The following NAALADL1 variants were observed in gnomAD, a reference collection of about 807,000 sequenced individuals.
NAALADL1 encodes the protein N-acetylated alpha-linked acidic dipeptidase like 1.
In NAALADL1, 77 loss-of-function variants were observed where a neutral mutation model predicts 82.8. The observed-to-expected ratio is 0.93, with a 90% CI of 0.77 to 1.12. The LOEUF (loss-of-function observed/expected upper bound fraction) is 1.12, where lower values mean the gene tolerates loss of function less well. Among genes scored for constraint, NAALADL1 ranks in the 50% most tolerant of loss-of-function variants. NAALADL1 has a pLI of 0.00. For missense variants in NAALADL1, 956 were observed against 964.0 expected, an observed-to-expected ratio of 0.99 and a Z score of 0.11; for synonymous variants, 358 against 399.2, an observed-to-expected ratio of 0.90 and a Z score of 1.23.
In NAALADL1 at chr11:65,054,238, G is replaced by C. The variant is rs768829325; in HGVS notation, c.992+12C>G. The C allele has an allele frequency of 7.4e-6, 12 of 1,610,772 alleles. No homozygotes were observed. The highest frequency in any genetic ancestry group is 1.3e-5 in the African/African-American group (1 of 74,978). ...GGGCAACTGAGGGAGACCTGGTCTG[G>C]CTGCATCTCACCTGTCTGCTGGGAA... On this transcript the variant is annotated intron_variant, in intron 6 of 17. Transcript: ENST00000358658. This position sits in a 1 kb window ranked among gnomAD's most constrained non-coding sequence, Gnocchi z 4.3.
At position 65,044,858 on chromosome 11, in the gene NAALADL1, G is replaced by C; in HGVS notation, c.*413C>G. On this transcript the variant is annotated 3_prime_UTR_variant, in exon 18 of 18. Transcript: ENST00000358658. The surrounding 1 kb of genome is among the most constrained non-coding windows in gnomAD (Gnocchi z 4.0). ...TCACTAGATGTGATTTATTTGAGGG[G>C]CTGTTGTAGGGAGTTAGGATACACA... The C allele has an allele frequency of 9.8e-7, 1 of 1,025,618 alleles. No homozygotes were observed. The highest frequency in any genetic ancestry group is 1.4e-6 in the Non-Finnish European group (1 of 723,622). The allele number at this position is 1,025,618 out of a possible 1,614,324, so 63.5% of individuals were successfully genotyped here.
At position 65,047,546 on chromosome 11, in the gene NAALADL1, C is replaced by T; in HGVS notation, c.1528G>A (p.Gly510Ser). ...TGAACGAAGGGTGCATAGTCGCTGC[C>T]AGCACCCAGAGAACCCAAGCTGCGG... is the stretch of plus-strand genomic sequence containing the variant. Reference protein sequence around the residue: ...LVPSLGSLGAGSDYAPFVHFL... With the variant: ...LVPSLGSLGASSDYAPFVHFL... Residue 510 changes from glycine to serine, a missense_variant, in exon 13 of 18, where the codon GGC (glycine) becomes AGC (serine). By Grantham distance (56) the Gly-to-Ser change is moderately conservative (BLOSUM62 0). Coordinates refer to ENST00000358658, the MANE Select transcript of NAALADL1 (RefSeq NM_005468.3). The T allele has an allele frequency of 6.4e-7, 1 of 1,572,156 alleles. No individual in the cohort carries two copies. The highest frequency in any genetic ancestry group is 8.6e-7 in the Non-Finnish European group (1 of 1,158,826).
In NAALADL1 at chr11:65,053,480, G is replaced by A. The variant is rs1946947551; in HGVS notation, c.1078+11C>T. 1 of 1,613,746 alleles carries A rather than the reference G, an allele frequency of 6.2e-7. No individual in the cohort carries two copies. The highest frequency in any genetic ancestry group is 1.7e-5 in the Admixed American group (1 of 60,000). On this transcript the variant is annotated intron_variant, in intron 7 of 17. Coordinates refer to ENST00000358658, the MANE Select transcript of NAALADL1 (RefSeq NM_005468.3). The surrounding 1 kb of genome is among the most constrained non-coding windows in gnomAD (Gnocchi z 4.3). ...GGGGCCTGGGGTGCAGGCAGCAAGA[G>A]GAGGGCTCACCAGGCTCCACAGCCC...
At chr11:65,055,593 G>A (rs1024873312) in intron 4 of NAALADL1, among the ~76,000 whole-genome samples, 5 of 152,132 alleles carry the variant, frequency 3.3e-5, no homozygotes, top group Admixed American at 3.3e-4. Flanking sequence ...TCACTTATGC[G>A]AGGTACCTAG....
chr11:65,058,554 G>A, upstream of NAALADL1: 1 of 1,527,570 alleles, frequency 6.5e-7, no homozygotes. Flanking sequence ...GGGTAGGACT[G>A]GTCTATAGGT....
rs1252215274 is a variant in NAALADL1, at chr11:65,058,141, C to A, written c.295G>T (p.Ala99Ser). Residue 99 changes from alanine (A) to serine (S), a missense_variant, in exon 2 of 18, where the codon GCC becomes TCC. By Grantham distance (99) the Ala-to-Ser change is moderately conservative (BLOSUM62 1). Transcript: ENST00000358658. ...DPESGLDSAEASTYEVLLSFP... is the reference protein window; with the variant it reads ...DPESGLDSAESSTYEVLLSFP... Reference sequence around the variant, plus strand: ...GACAGCAGCACTTCGTACGTGGAGGCCTCGGCCGAGTCCAGGCCTGACTCT... The same window carrying A: ...GACAGCAGCACTTCGTACGTGGAGGACTCGGCCGAGTCCAGGCCTGACTCT... 9 of 1,613,888 alleles carry A rather than the reference C, an allele frequency of 5.6e-6. No individual in the cohort carries two copies. Among genetic ancestry groups the A allele is most frequent in the Non-Finnish European group, 7.6e-6 (9 of 1,179,898 alleles).
At chr11:65,052,377 G>A (rs1193568831) in intron 8 of NAALADL1, among the ~76,000 whole-genome samples, 4 of 151,802 alleles carry the variant, frequency 2.6e-5, no homozygotes, top group East Asian at 1.9e-4. Context: ...GCAGTGGCGC[G>A]ATCTCAGCTC....
At chr11:65,049,832 C>A (rs922096321) in intron 8 of NAALADL1, among the ~76,000 whole-genome samples, 1 of 152,176 alleles carries the variant, frequency 6.6e-6, no homozygotes, top group African/African-American at 2.4e-5. Context: ...GACTGCACCA[C>A]TGCACTCCAG....
rs200427688 is a variant in NAALADL1 at position 65,045,305 on chromosome 11, G to T, written c.2189C>A (p.Ala730Glu). 2 of 1,607,864 alleles carry T rather than the reference G, an allele frequency of 1.2e-6. No individual in the cohort carries two copies. Among genetic ancestry groups the T allele is most frequent in the African/African-American group, 1.3e-5 (1 of 74,786 alleles). Reference sequence around the variant, plus strand: ...AGCCACAGGCCTCAGGGTGGCTGCCGCACCCTCCAGGGCTGTCACCACAAT... The same window carrying T: ...AGCCACAGGCCTCAGGGTGGCTGCCTCACCCTCCAGGGCTGTCACCACAAT... ...LSIVVTALEG[A>E]AATLRPVADL The change falls in exon 18 of 18, where the codon GCG becomes GAG. Residue 730 changes from alanine (A) to glutamate (E), a missense_variant. Ala to Glu is a moderately radical substitution (Grantham distance 107). Transcript: ENST00000358658.
chr11:65,057,453 A>C lies in NAALADL1; in HGVS notation c.521T>G (p.Phe174Cys), dbSNP rs748130182. 5.6e-6 allele frequency: 9 copies of C among 1,613,930 alleles called. No homozygotes were observed. Among genetic ancestry groups the C allele is most frequent in the Admixed American group, 1.7e-5 (1 of 59,972 alleles). ...GATGCCCTGAGTCTGTAGCTCCTTA[A>C]AGTCTTCTTCCGCGCCCCGGTTGGC... ...VYANRGAEEDFKELQTQGIKL... is the reference protein window; with the variant it reads ...VYANRGAEEDCKELQTQGIKL... Residue 174 changes from phenylalanine to cysteine, a missense_variant, in exon 4 of 18, where the codon TTT becomes TGT. Phe to Cys is a radical substitution (Grantham distance 205). Transcript: ENST00000358658.
At chr11:65,050,194 TG>T (rs1946848926) in intron 8 of NAALADL1, among the ~76,000 whole-genome samples, 2 of 150,702 alleles carry the variant, frequency 1.3e-5, no homozygotes, top group South Asian at 4.3e-4. Flanking sequence ...TTAAAAGTTG[TG>T]GGGGCTGGCG....
At position 65,045,918 on chromosome 11, in the gene NAALADL1, G is replaced by A. The variant is rs1437315207; in HGVS notation, c.1944-4C>T. The A allele has an allele frequency of 1.2e-6, 2 of 1,613,850 alleles. No homozygotes were observed. Among genetic ancestry groups the A allele is most frequent in the African/African-American group, 2.7e-5 (2 of 74,948 alleles). On this transcript the variant is annotated splice_polypyrimidine_tract_variant and splice_region_variant and intron_variant, in intron 16 of 17. Transcript: ENST00000358658. ...GAGCATCCGGACCTGCAGGGGGCTG[G>A]TGGGGAGGCAGGAACTGCCAGTCAC...
In NAALADL1 at chr11:65,058,473, A is replaced by G; in HGVS notation, c.49T>C (p.Leu17=). ...LGLGLGAAAL[L]GLGIILGHFA... is the part of the protein sequence containing the mutation. Reference sequence around the variant, plus strand: ...TGGCCGAGGATGATCCCCAGCCCCAAGAGGGCAGCAGCCCCCAGCCCCAGC... The same window carrying G: ...TGGCCGAGGATGATCCCCAGCCCCAGGAGGGCAGCAGCCCCCAGCCCCAGC... Residue 17 remains leucine, a synonymous_variant, in exon 1 of 18, where the codon TTG becomes CTG. Coordinates refer to ENST00000358658, the MANE Select transcript of NAALADL1 (RefSeq NM_005468.3). 6.2e-7 allele frequency: 1 copy of G among 1,612,550 alleles called. No homozygotes were observed. Among genetic ancestry groups the G allele is most frequent in the Non-Finnish European group, 8.5e-7 (1 of 1,179,410 alleles).
At position 65,054,273 on chromosome 11, in the gene NAALADL1, A is replaced by G. The variant is rs1312144841; in HGVS notation, c.969T>C (p.Pro323=). Residue 323 remains proline, a synonymous_variant, in exon 6 of 18, where the codon CCT becomes CCC. Transcript: ENST00000358658. The surrounding 1 kb of genome is among the most constrained non-coding windows in gnomAD (Gnocchi z 4.3). ...CHYRLGPGFR[P]DGDFPADSQV... ...ACCTGTCTGCTGGGAAGTCTCCGTC[A>G]GGCCGGAAGCCGGGACCCAACCTGT... is the stretch of plus-strand genomic sequence containing the variant. 6.2e-7 allele frequency: 1 copy of G among 1,614,112 alleles called. No homozygotes were observed. Among genetic ancestry groups the G allele is most frequent in the Non-Finnish European group, 8.5e-7 (1 of 1,179,984 alleles).
At position 65,053,186 on chromosome 11, in the gene NAALADL1, G is replaced by T; in HGVS notation, c.1198+32C>A. On this transcript the variant is annotated intron_variant, in intron 8 of 17. Transcript: ENST00000358658. The surrounding 1 kb of genome is among the most constrained non-coding windows in gnomAD (Gnocchi z 4.3). The stretch of plus-strand genomic sequence containing the variant: ...CAGGAAGGGGACCTCCGGGGGCGAA[G>T]GTCCCTGGTCCAGGGGAGGGGGCCG... 3 of 1,506,648 alleles carry T rather than the reference G, an allele frequency of 2.0e-6. No homozygotes were observed. The highest frequency in any genetic ancestry group is 2.7e-6 in the Non-Finnish European group (3 of 1,125,784). The allele number at this position is 1,506,648 out of a possible 1,614,324, so 93.3% of individuals were successfully genotyped here. A position where few individuals can be genotyped will look rare whatever the true frequency, so the allele number is the denominator to read the frequency against.
intron 11 of NAALADL1, 55 bp downstream of exon 11, chr11:65,047,926 G>T: frequency 3.7e-6 from 1 of 270,992 alleles, no homozygotes; most frequent in Non-Finnish European, 6.4e-6. Flanking sequence ...GGCCCCGTCC[G>T]CCGCACGCGG....
rs75121661 is a variant in NAALADL1, at chr11:65,048,460, C to A, written c.1199-75G>T. ...GGTGCCTTAGGAGAAAGGCTGCTGACGTGAGGAGGGGAGAGCGGGAAAAGG... is the reference window on the plus strand; with the variant it reads ...GGTGCCTTAGGAGAAAGGCTGCTGAAGTGAGGAGGGGAGAGCGGGAAAAGG... On this transcript the variant is annotated intron_variant, in intron 8 of 17. Coordinates refer to ENST00000358658, the MANE Select transcript of NAALADL1 (RefSeq NM_005468.3). The A allele has an allele frequency of 3.8e-3, 5,768 of 1,533,748 alleles. 183 individuals carry two copies. The African/African-American group carries it at 0.066, about 18-fold the overall frequency.
rs974198400 is a variant in NAALADL1, at chr11:65,047,639, G to A, written c.1508+8C>T. The A allele has an allele frequency of 6.3e-7, 1 of 1,599,334 alleles. No individual in the cohort carries two copies. Among genetic ancestry groups the A allele is most frequent in the Non-Finnish European group, 8.5e-7 (1 of 1,174,252 alleles). On this transcript the variant is annotated splice_region_variant and intron_variant, in intron 12 of 17. Transcript: ENST00000358658. ...TCGCTCCGGGCCCCCTTCTGTCCCT[G>A]GGCTTACCTGGGGACCAGGCCGTAC...
intron 10 of NAALADL1, 32 bp from the exon 11 acceptor site, chr11:65,048,080 C>A (rs769738538): frequency 1.2e-6 from 2 of 1,613,874 alleles, no homozygotes; most frequent in South Asian, 2.2e-5. Flanking sequence ...ACTATTTGGG[C>A]CCCAGCCCCT....
Sources: allele counts gnomAD v4.1 joint callset (sites outside exome capture counted in the v4.1 genomes callset), GRCh38; gene constraint gnomAD v4.1.1; non-coding constraint Gnocchi (gnomAD v3.1); transcripts MANE v1.5; gene names NCBI Gene and HGNC (gene_info 2026-07-23, HGNC 2026-07-21).